Variants in AKR1A1 observed in about 807,000 individuals in gnomAD.
The protein encoded by AKR1A1 is aldo-keto reductase family 1 member A1, also known as HEL-S-165mP.
Under a neutral mutation model 39.2 loss-of-function variants are expected in AKR1A1, and 26 were observed. That is an observed-to-expected ratio of 0.66 (90% confidence interval 0.49 to 0.92). The LOEUF (loss-of-function observed/expected upper bound fraction) is 0.92. AKR1A1 is among the 40% of genes least tolerant of loss of function. The pLI is 0.00. For missense variants in AKR1A1, 378 were observed against 406.5 expected (o/e 0.93, Z 0.60); for synonymous variants, 141 against 155.5 (o/e 0.91, Z 0.69).
chr1:45,560,769 C>A (rs1369452561), intron 1 of AKR1A1, among the ~76,000 whole-genome samples: 1 of 150,380 alleles, frequency 6.6e-6, no homozygotes, highest in Non-Finnish European at 1.5e-5. Context: ...GCTCTGTTGC[C>A]CAGGCTGGAG....
At chr1:45,559,973 T>G (rs1275912518) in intron 1 of AKR1A1, among the ~76,000 whole-genome samples, 1 of 151,110 alleles carries the variant, frequency 6.6e-6, no homozygotes, top group African/African-American at 2.4e-5. Context: ...AGCTGTTGAT[T>G]TGGAGCAAAT....
In AKR1A1 at chr1:45,570,049, A is replaced by C. The variant is rs543032591; in HGVS notation, c.*93A>C. Reference sequence around the variant, plus strand: ...AGTTAATAAAGCCATTGGAGCATCCATATTGCTTGCTTGTCTTATTTGCCT... The same window carrying C: ...AGTTAATAAAGCCATTGGAGCATCCCTATTGCTTGCTTGTCTTATTTGCCT... On this transcript the variant is annotated 3_prime_UTR_variant, in exon 9 of 9. Coordinates refer to ENST00000351829, the MANE Select transcript of AKR1A1 (RefSeq NM_153326.3). 1.3e-5 allele frequency: 17 copies of C among 1,289,982 alleles called. No individual in the cohort carries two copies. Among genetic ancestry groups the C allele is most frequent in the Non-Finnish European group, 1.8e-5 (16 of 888,986 alleles). 79.9% of individuals were successfully genotyped at this position (1,289,982 alleles called of 1,614,324 possible).
rs1242217184 is a variant in AKR1A1, at chr1:45,564,800, T to A, written c.85-1769T>A. The stretch of plus-strand genomic sequence containing the variant: ...AAAATTATTTATTTTTGAAAATTTT[T>A]AAATTTTTATTTATTTATTTATTTA... On this transcript the variant is annotated intron_variant, in intron 2 of 8. Transcript: ENST00000351829. 2.0e-5 allele frequency among the ~76,000 whole-genome samples: 3 copies of A among 151,734 alleles called. 1 individual carries two copies. The highest frequency in any genetic ancestry group is 1.9e-4 in the East Asian group (1 of 5,190).
rs764400809 is a variant in AKR1A1, at chr1:45,568,145, A to G, written c.520A>G (p.Ser174Gly). Residue 174 changes from serine to glycine, a missense_variant, in exon 5 of 9, where the codon AGT (serine) becomes GGT (glycine). Transcript: ENST00000351829. ...FNSRQIDDIL[S>G]VASVRPAVLQ... Reference sequence around the variant, plus strand: ...CAGTCGGCAGATTGATGACATACTCAGTGTGGCCTCCGTGCGTCCAGCTGT... The same window carrying G: ...CAGTCGGCAGATTGATGACATACTCGGTGTGGCCTCCGTGCGTCCAGCTGT... 1.3e-5 allele frequency: 21 copies of G among 1,613,820 alleles called. No homozygotes were observed. Among genetic ancestry groups the G allele is most frequent in the Middle Eastern group, 1.6e-4 (1 of 6,084 alleles).
rs1171955347 is a variant in AKR1A1 at position 45,561,879 on chromosome 1, G to C, written c.84+1G>C. The C allele has an allele frequency of 1.2e-6, 2 of 1,614,018 alleles. No individual in the cohort carries two copies. Among genetic ancestry groups the C allele is most frequent in the East Asian group, 4.5e-5 (2 of 44,876 alleles). On this transcript the variant is annotated splice_donor_variant, in intron 2 of 8. Coordinates refer to ENST00000351829, the MANE Select transcript of AKR1A1 (RefSeq NM_153326.3). LOFTEE classifies it high-confidence loss of function. ...TACCTGGAAGAGTGAGCCTGGTCAG[G>C]TGAGGGATGGGGGAAGAAAAAAGAA...
chr1:45,567,609 C>T (rs568988216), intron 4 of AKR1A1: 46 of 160,772 alleles, frequency 2.9e-4, no homozygotes, highest in African/African-American at 9.6e-4. Context: ...GGGCGGATCA[C>T]GAGGTCAGGA....
At chr1:45,563,406 A>G (rs963042090) in intron 2 of AKR1A1, among the ~76,000 whole-genome samples, 2 of 152,062 alleles carry the variant, frequency 1.3e-5, no homozygotes, top group South Asian at 4.1e-4. Context: ...TCTAGGGGGA[A>G]AAATTAAGGA....
At chr1:45,556,281 G>A (rs928790242) in intron 1 of AKR1A1, among the ~76,000 whole-genome samples, 2 of 152,108 alleles carry the variant, frequency 1.3e-5, no homozygotes, top group African/African-American at 4.8e-5. Flanking sequence ...TTTTACACTT[G>A]AATATAACAT....
chr1:45,566,848 G>A (rs2148303802), intron 3 of AKR1A1, 21 bp from the exon 4 acceptor site: 1 of 1,611,304 alleles, frequency 6.2e-7, no homozygotes, highest in Middle Eastern at 1.7e-4. Context: ...TTCTCACTGT[G>A]GGCCCTGCCC....
In AKR1A1 at chr1:45,568,175, C is replaced by A. The variant is rs780794575; in HGVS notation, c.550C>A (p.Gln184Lys). Residue 184 changes from glutamine (Q) to lysine (K), a missense_variant and splice_region_variant, in exon 5 of 9, where the codon CAG (glutamine) becomes AAG (lysine). Physicochemically the swap from Gln to Lys is moderately conservative, Grantham distance 53 (BLOSUM62 1). Coordinates refer to ENST00000351829, the MANE Select transcript of AKR1A1 (RefSeq NM_153326.3). ...SVASVRPAVL[Q>K]VECHPYLAQN... ...GGCCTCCGTGCGTCCAGCTGTCTTG[C>A]AGGTAAGGACAGCAAGCAGATGAGT... The A allele has an allele frequency of 6.2e-7, 1 of 1,610,242 alleles. No homozygotes were observed. Among genetic ancestry groups the A allele is most frequent in the Non-Finnish European group, 8.5e-7 (1 of 1,178,150 alleles).
At chr1:45,562,812 A>G (rs1418398532) in intron 2 of AKR1A1, among the ~76,000 whole-genome samples, 1 of 151,570 alleles carries the variant, frequency 6.6e-6, no homozygotes, top group African/African-American at 2.4e-5. Context: ...GCCCGGCCAC[A>G]AACTATTTTT....
intron 1 of AKR1A1, among the ~76,000 whole-genome samples, chr1:45,560,823 G>A (rs1644267947): frequency 1.3e-5 from 2 of 151,180 alleles, no homozygotes; most frequent in African/African-American, 4.9e-5. Flanking sequence ...CGCCTCCTGG[G>A]TTCAAGTGAT....
At chr1:45,567,914 C>A in intron 4 of AKR1A1, 68 bp from the exon 5 acceptor site, 1 of 1,431,342 alleles carries the variant, frequency 7.0e-7, no homozygotes. Flanking sequence ...CATAGAGTGG[C>A]TGGATGGGCA....
chr1:45,568,526 C>A lies in AKR1A1; in HGVS notation c.594C>A (p.Ala198=). 6.2e-7 allele frequency: 1 copy of A among 1,613,894 alleles called. No homozygotes were observed. The highest frequency in any genetic ancestry group is 2.2e-5 in the East Asian group (1 of 44,874). ...HPYLAQNELI[A]HCQARGLEVT... is the part of the protein sequence containing the mutation. ...ACTTGGCTCAAAATGAGCTAATTGC[C>A]CACTGCCAAGCACGTGGCCTGGAGG... Residue 198 remains alanine, a synonymous_variant, in exon 6 of 9, where the codon GCC becomes GCA. Coordinates refer to ENST00000351829, the MANE Select transcript of AKR1A1 (RefSeq NM_153326.3).
chr1:45,569,094 G>C (rs763983514), intron 7 of AKR1A1, 49 bp from the exon 8 acceptor site: 7 of 1,604,968 alleles, frequency 4.4e-6, no homozygotes, highest in Non-Finnish European at 6.0e-6. Context: ...TGGAACCCCA[G>C]CTTCTGCTCA....
At position 45,566,535 on chromosome 1, in the gene AKR1A1, C is replaced by T. The variant is rs368195417; in HGVS notation, c.85-34C>T. 1.3e-5 allele frequency: 21 copies of T among 1,612,348 alleles called. No homozygotes were observed. In the African/African-American group the frequency reaches 2.0e-4, roughly 15 times the overall value. On this transcript the variant is annotated intron_variant, in intron 2 of 8. Coordinates refer to ENST00000351829, the MANE Select transcript of AKR1A1 (RefSeq NM_153326.3). ...GGTGACAGTAGAAGGCTGAAACCAA[C>T]ATAGCTGAAACCTCTGCTTCTCTCA...
rs1163872547 is a variant in AKR1A1 at position 45,563,220 on chromosome 1, T to C, written c.84+1342T>C. Reference sequence around the variant, plus strand: ...TTCGAGACCAGCTTGGCCAACGTGGTGAAACCCCGTCTCTACTAAAAATAC... The same window carrying C: ...TTCGAGACCAGCTTGGCCAACGTGGCGAAACCCCGTCTCTACTAAAAATAC... On this transcript the variant is annotated intron_variant, in intron 2 of 8. Transcript: ENST00000351829. Among the ~76,000 whole-genome samples the C allele has an allele frequency of 2.0e-5, 3 of 151,044 alleles. No individual in the cohort carries two copies. The South Asian group carries it at 6.3e-4, about 32-fold the overall frequency.
At chr1:45,563,121 G>T (rs1197591795) in intron 2 of AKR1A1, among the ~76,000 whole-genome samples, 5 of 150,614 alleles carry the variant, frequency 3.3e-5, no homozygotes, top group Non-Finnish European at 7.4e-5. Context: ...AAAAAGGTAG[G>T]CTGGACACTG....
At chr1:45,555,551 A>G (rs185555972) in intron 1 of AKR1A1, among the ~76,000 whole-genome samples, 1 of 152,334 alleles carries the variant, frequency 6.6e-6, no homozygotes, top group Admixed American at 6.5e-5. Context: ...ATTAGGAATT[A>G]TAAGTATTTA....
Sources: allele counts gnomAD v4.1 joint callset (sites outside exome capture counted in the v4.1 genomes callset), GRCh38; gene constraint gnomAD v4.1.1; transcripts MANE v1.5; gene names NCBI Gene and HGNC (gene_info 2026-07-23, HGNC 2026-07-21).